NR1I2: variants seen among roughly 807,000 people sequenced by gnomAD.
The protein encoded by NR1I2 is orphan nuclear receptor PAR1.
Under a neutral mutation model 43.3 loss-of-function variants are expected in NR1I2, and 42 were observed. The ratio of observed to expected loss-of-function variants is 0.97; its 90% CI spans 0.76 to 1.26. The LOEUF (loss-of-function observed/expected upper bound fraction) is 1.26, where lower values mean the gene tolerates loss of function less well. Among genes scored for constraint, NR1I2 ranks in the 50% most tolerant of loss-of-function variants. NR1I2 has a pLI of 0.00. For missense variants in NR1I2, 559 were observed against 566.7 expected, an observed-to-expected ratio of 0.99 and a Z score of 0.14; for synonymous variants, 229 against 215.0, an observed-to-expected ratio of 1.06 and a Z score of -0.57.
At chr3:119,789,542 A>G (rs1004164121) in intron 1 of NR1I2, among the ~76,000 whole-genome samples, 10 of 152,236 alleles carry the variant, frequency 6.6e-5, no homozygotes, top group East Asian at 3.8e-4. Context: ...CCATGATTCA[A>G]TTACCTTCCA....
intron 8 of NR1I2, among the ~76,000 whole-genome samples, chr3:119,816,062 G>A (rs2107979633): frequency 6.6e-6 from 1 of 152,330 alleles, no homozygotes; most frequent in Non-Finnish European, 1.5e-5. Context: ...GTCCTCAGTA[G>A]CTCCTGTGAC....
chr3:119,812,863 G>A lies in NR1I2; in HGVS notation c.697G>A (p.Gly233Arg), dbSNP rs191312162. 70 of 1,614,198 alleles carry A rather than the reference G, an allele frequency of 4.3e-5. No homozygotes were observed. In the Admixed American group the frequency reaches 4.5e-4, roughly 10 times the overall value. ...CTACAAACCCCCAGCCGACAGTGGC[G>A]GGAAAGAGATCTTCTCCCTGCTGCC... is the stretch of plus-strand genomic sequence containing the variant. The change falls in exon 5 of 9, where the codon GGG (glycine) becomes AGG (arginine). Residue 233 changes from glycine to arginine, a missense_variant. By Grantham distance (125) the Gly-to-Arg change is moderately radical. This residue lies in a region of NR1I2 where 323 missense variants were observed against 312.2 expected (regional missense o/e 1.03). Transcript: ENST00000393716.
At chr3:119,791,846 C>A (rs549464953) in intron 1 of NR1I2, 2 of 556,180 alleles carry the variant, frequency 3.6e-6, no homozygotes, top group Middle Eastern at 3.5e-4. Context: ...TTGAGTCCAT[C>A]GGCAAGTTTG....
Position 119,782,322 on chromosome 3 carries a change from C to G in NR1I2, c.-23+22C>G, listed in dbSNP as rs1409299791. 3 of 169,874 alleles carry G rather than the reference C, an allele frequency of 1.8e-5. No homozygotes were observed. In the South Asian group the frequency reaches 4.5e-4, roughly 25 times the overall value. 10.5% of individuals were successfully genotyped at this position (169,874 alleles called of 1,614,324 possible). A position where few individuals can be genotyped will look rare whatever the true frequency, so the allele number is the denominator to read the frequency against. On this transcript the variant is annotated intron_variant, in intron 1 of 8. Coordinates refer to ENST00000393716, the MANE Select transcript of NR1I2 (RefSeq NM_003889.4). ...GCAGGTATGGTTTTTCTTTCTTTCT[C>G]TTTTGCTGGGGGCTGACCGCCCTTC...
At chr3:119,797,183 G>T (rs1453165489) in intron 1 of NR1I2, among the ~76,000 whole-genome samples, 4 of 30,080 alleles carry the variant, frequency 1.3e-4, no homozygotes, top group Non-Finnish European at 2.8e-4. Flanking sequence ...ACTGCACAAA[G>T]ATATGTGTGT....
intron 1 of NR1I2, among the ~76,000 whole-genome samples, chr3:119,806,380 G>T (rs908606090): frequency 1.3e-5 from 2 of 152,112 alleles, no homozygotes; most frequent in African/African-American, 4.8e-5. Context: ...AAACCCTCAG[G>T]CTCAAGAGAT....
intron 1 of NR1I2, among the ~76,000 whole-genome samples, chr3:119,806,325 C>T (rs2055160025): frequency 6.6e-6 from 1 of 152,168 alleles, no homozygotes; most frequent in South Asian, 2.1e-4. Context: ...CACTTTATCA[C>T]CCAGGCTAGA....
chr3:119,782,720 G>A lies in NR1I2; in HGVS notation c.-23+420G>A, dbSNP rs775882106. On this transcript the variant is annotated intron_variant, in intron 1 of 8. Coordinates refer to ENST00000393716, the MANE Select transcript of NR1I2 (RefSeq NM_003889.4). ...GTCCTGATTCCTTTTGGCCTGCTGGGTTAGTGCTGGCAGCCCCCTGAGGCC... is the reference window on the plus strand; with the variant it reads ...GTCCTGATTCCTTTTGGCCTGCTGGATTAGTGCTGGCAGCCCCCTGAGGCC... The A allele has an allele frequency of 4.7e-6, 7 of 1,483,160 alleles. No individual in the cohort carries two copies. The South Asian group carries it at 7.9e-5, about 17-fold the overall frequency. 91.9% of individuals were successfully genotyped at this position (1,483,160 alleles called of 1,614,324 possible). A position where few individuals can be genotyped will look rare whatever the true frequency, so the allele number is the denominator to read the frequency against.
intron 8 of NR1I2, 52 bp downstream of exon 8, chr3:119,815,883 G>C: frequency 6.8e-7 from 1 of 1,471,320 alleles, no homozygotes; most frequent in Admixed American, 1.9e-5. Flanking sequence ...GGGAGCCGAG[G>C]TTCAGGGAAA....
rs578118037 is a variant in NR1I2 at position 119,808,288 on chromosome 3, T to C, written c.197+841T>C. Among the ~76,000 whole-genome samples, 3 of 152,368 alleles carry C rather than the reference T, an allele frequency of 2.0e-5. No homozygotes were observed. In the South Asian group the frequency reaches 6.2e-4, roughly 32 times the overall value. ...AGCTCTGATTGCAGTCTGGCTCCCC[T>C]TGTGGGGGCACAGTGCTGGGGCCCC... On this transcript the variant is annotated intron_variant, in intron 2 of 8. Coordinates refer to ENST00000393716, the MANE Select transcript of NR1I2 (RefSeq NM_003889.4).
Position 119,817,014 on chromosome 3 carries a change from G to C in NR1I2, c.1161-54G>C. Reference sequence around the variant, plus strand: ...TGTGCAGCCTCAGAGCAGCCCTGAGGCTTGTGGGTCAGGGCGGGCTGCACC... The same window carrying C: ...TGTGCAGCCTCAGAGCAGCCCTGAGCCTTGTGGGTCAGGGCGGGCTGCACC... On this transcript the variant is annotated intron_variant, in intron 8 of 8. Coordinates refer to ENST00000393716, the MANE Select transcript of NR1I2 (RefSeq NM_003889.4). 2.5e-6 allele frequency: 4 copies of C among 1,612,080 alleles called. No homozygotes were observed. The South Asian group carries it at 3.3e-5, about 13-fold the overall frequency.
chr3:119,795,700 C>T (rs2054988717), intron 1 of NR1I2, among the ~76,000 whole-genome samples: 1 of 152,192 alleles, frequency 6.6e-6, no homozygotes, highest in African/African-American at 2.4e-5. Flanking sequence ...ATTCTCACTG[C>T]CTTAGTTTTC....
intron 1 of NR1I2, among the ~76,000 whole-genome samples, chr3:119,794,193 G>GT (rs2054962006): frequency 6.6e-6 from 1 of 151,188 alleles, no homozygotes; most frequent in African/African-American, 2.4e-5. Context: ...TTGTTTGTTT[G>GT]TTTTTTTGGG....
chr3:119,807,474 A>G (rs2107969222), intron 2 of NR1I2, 27 bp downstream of exon 2: 1 of 1,590,758 alleles, frequency 6.3e-7, no homozygotes, highest in East Asian at 2.2e-5. Context: ...GCCTTCACCC[A>G]CGTGCCACCA....
intron 1 of NR1I2, among the ~76,000 whole-genome samples, chr3:119,804,382 A>T (rs901327503): frequency 4.7e-5 from 7 of 149,622 alleles, no homozygotes; most frequent in Non-Finnish European, 1.0e-4. Flanking sequence ...CTCAAAAAAT[A>T]TATATATACA....
At chr3:119,812,491 C>T (rs1016251582) in intron 4 of NR1I2, among the ~76,000 whole-genome samples, 195 bp from the exon 5 acceptor site, 1 of 152,200 alleles carries the variant, frequency 6.6e-6, no homozygotes, top group African/African-American at 2.4e-5. Context: ...ATAGAGAACA[C>T]CAGAGAGAAG....
chr3:119,807,436 G>A lies in NR1I2; in HGVS notation c.186G>A (p.Lys62=), dbSNP rs772537982. The A allele has an allele frequency of 3.1e-6, 5 of 1,613,676 alleles. No homozygotes were observed. Among genetic ancestry groups the A allele is most frequent in the Non-Finnish European group, 1.7e-6 (2 of 1,180,018 alleles). The change falls in exon 2 of 9, where the codon AAG becomes AAA. Residue 62 remains lysine, a synonymous_variant. Coordinates refer to ENST00000393716, the MANE Select transcript of NR1I2 (RefSeq NM_003889.4). Reference sequence around the variant, plus strand: ...ATGTCATGACATGTGAAGGATGCAAGGGCTTTTTCAGGTAGAGTTACCCAT... The same window carrying A: ...ATGTCATGACATGTGAAGGATGCAAAGGCTTTTTCAGGTAGAGTTACCCAT...
At chr3:119,794,154 C>T (rs1462206595) in intron 1 of NR1I2, among the ~76,000 whole-genome samples, 2 of 151,934 alleles carry the variant, frequency 1.3e-5, no homozygotes, top group African/African-American at 4.8e-5. Flanking sequence ...GGACTACAGG[C>T]ATGCACCAAC....
chr3:119,795,353 G>T (rs563694282), intron 1 of NR1I2, among the ~76,000 whole-genome samples: 1 of 152,284 alleles, frequency 6.6e-6, no homozygotes, highest in Non-Finnish European at 1.5e-5. Flanking sequence ...CTGAGGCATT[G>T]TACTGTGAAT....
Sources: allele counts gnomAD v4.1 joint callset (sites outside exome capture counted in the v4.1 genomes callset), GRCh38; gene constraint gnomAD v4.1.1; regional missense constraint gnomAD v4.1.1; transcripts MANE v1.5; gene names NCBI Gene and HGNC (gene_info 2026-07-23, HGNC 2026-07-21).